The following GRIA1 variants were observed in gnomAD, a reference collection of about 807,000 sequenced individuals.
The protein encoded by GRIA1 is glutamate receptor 1.
GRIA1 carries 31 observed loss-of-function variants against 99.2 expected under a neutral mutation model. The ratio of observed to expected loss-of-function variants is 0.31; its 90% CI spans 0.23 to 0.42. GRIA1 has a LOEUF of 0.42. Among genes scored for constraint, GRIA1 ranks in the 10% least tolerant of loss-of-function variants. The pLI, the probability that GRIA1 is intolerant of heterozygous loss-of-function variation, is 1.00. For missense variants in GRIA1, 782 were observed against 1,157.5 expected (o/e 0.68, Z 4.71); for synonymous variants, 438 against 432.4 (o/e 1.01, Z -0.16).
intron 2 of GRIA1, among the ~76,000 whole-genome samples, chr5:153,637,898 AT>A (rs1341615054): frequency 6.6e-6 from 1 of 152,210 alleles, no homozygotes; most frequent in Non-Finnish European, 1.5e-5. Flanking sequence ...TTTATGAGTT[AT>A]TGTTCATTAT....
At chr5:153,609,751 C>T (rs1045176195) in intron 2 of GRIA1, among the ~76,000 whole-genome samples, 4 of 151,646 alleles carry the variant, frequency 2.6e-5, no homozygotes, top group Non-Finnish European at 5.9e-5. Context: ...TTAGTAGAGA[C>T]GAGGTTTCAC....
At chr5:153,710,359 A>T (rs1367845612) in intron 11 of GRIA1, among the ~76,000 whole-genome samples, 1 of 151,982 alleles carries the variant, frequency 6.6e-6, no homozygotes, top group Non-Finnish European at 1.5e-5. Flanking sequence ...AGTAGCTGGG[A>T]CTACAGGCAC....
intron 2 of GRIA1, among the ~76,000 whole-genome samples, chr5:153,626,460 GTGTGTGTGTGTGTGTGTGTGTGTGTGTA>G (rs1767629439): frequency 6.7e-6 from 1 of 149,410 alleles, no homozygotes; most frequent in Non-Finnish European, 1.5e-5. Flanking sequence ...GTGTGTGTGT[GTGTGTGTGTGTGTGTGTGTGTGTGTGTA>G]TGTGTTGTGC....
At chr5:153,736,038 C>A (rs941386486) in intron 11 of GRIA1, among the ~76,000 whole-genome samples, 2 of 152,094 alleles carry the variant, frequency 1.3e-5, no homozygotes, top group African/African-American at 4.8e-5. Context: ...CATCAGCATA[C>A]AGTATTTAAA....
chr5:153,613,755 G>T (rs1042114403), intron 2 of GRIA1, among the ~76,000 whole-genome samples: 1 of 151,644 alleles, frequency 6.6e-6, no homozygotes. Flanking sequence ...ATTCTTCAGC[G>T]TTAAAGGGGC....
At chr5:153,496,885 T>G (rs1025848280) in intron 2 of GRIA1, among the ~76,000 whole-genome samples, 1 of 152,034 alleles carries the variant, frequency 6.6e-6, no homozygotes, top group Admixed American at 6.6e-5. Context: ...TTTTATTTGT[T>G]TTTTTTTCAT....
chr5:153,649,556 C>T (rs1024033679), intron 3 of GRIA1, among the ~76,000 whole-genome samples: 1 of 152,206 alleles, frequency 6.6e-6, no homozygotes, highest in Admixed American at 6.5e-5. Context: ...CTCCCAGGTT[C>T]AAGCAATTCT....
chr5:153,573,911 C>T (rs925477894), intron 2 of GRIA1, among the ~76,000 whole-genome samples: 2 of 152,050 alleles, frequency 1.3e-5, no homozygotes, highest in African/African-American at 2.4e-5. Context: ...CTGAAGCATC[C>T]AAAGTATAAG....
chr5:153,658,715 G>A (rs1471917564), intron 5 of GRIA1, among the ~76,000 whole-genome samples: 1 of 152,210 alleles, frequency 6.6e-6, no homozygotes, highest in Admixed American at 6.5e-5. Context: ...TGATTAGGGT[G>A]TAATTATAGA....
chr5:153,661,812 C>A (rs941545262), intron 5 of GRIA1, among the ~76,000 whole-genome samples: 4 of 152,158 alleles, frequency 2.6e-5, no homozygotes, highest in African/African-American at 9.7e-5. Flanking sequence ...TATGAATATG[C>A]AAATAAGTAG....
chr5:153,764,096 T>C (rs1271059624), intron 11 of GRIA1, among the ~76,000 whole-genome samples: 3 of 152,270 alleles, frequency 2.0e-5, no homozygotes, highest in African/African-American at 7.2e-5. Flanking sequence ...TAATTGCTTA[T>C]ACATATTTGT....
chr5:153,560,596 C>T (rs1011394535), intron 2 of GRIA1, among the ~76,000 whole-genome samples: 1 of 152,162 alleles, frequency 6.6e-6, no homozygotes, highest in Non-Finnish European at 1.5e-5. Context: ...TTCTTGCCTG[C>T]CACCATGTAA....
chr5:153,549,549 G>A (rs1348130002), intron 2 of GRIA1, among the ~76,000 whole-genome samples: 1 of 152,116 alleles, frequency 6.6e-6, no homozygotes, highest in Non-Finnish European at 1.5e-5. Flanking sequence ...TTTATTGTGG[G>A]TCTGAGATCA....
intron 5 of GRIA1, among the ~76,000 whole-genome samples, chr5:153,665,146 A>G (rs1211955805): frequency 6.6e-6 from 1 of 152,236 alleles, no homozygotes; most frequent in Non-Finnish European, 1.5e-5. Flanking sequence ...TAGTACACCC[A>G]TGCAGCCTTG....
intron 13 of GRIA1, among the ~76,000 whole-genome samples, chr5:153,783,785 G>A (rs1764791528): frequency 6.6e-6 from 1 of 152,224 alleles, no homozygotes; most frequent in East Asian, 1.9e-4. Flanking sequence ...TGCCAATAGA[G>A]CTCAGATTAG....
At chr5:153,626,586 T>G (rs1402574733) in intron 2 of GRIA1, among the ~76,000 whole-genome samples, 2 of 152,004 alleles carry the variant, frequency 1.3e-5, no homozygotes, top group Non-Finnish European at 2.9e-5. Flanking sequence ...TAGCTCTCAG[T>G]GCTAATATAG....
At chr5:153,595,624 C>T (rs1269134261) in intron 2 of GRIA1, among the ~76,000 whole-genome samples, 1 of 151,514 alleles carries the variant, frequency 6.6e-6, no homozygotes, top group Non-Finnish European at 1.5e-5. Flanking sequence ...TCAAGGATAT[C>T]TATTTTATAC....
chr5:153,572,992 G>C (rs1049702940), intron 2 of GRIA1, among the ~76,000 whole-genome samples: 3 of 152,152 alleles, frequency 2.0e-5, no homozygotes, highest in African/African-American at 7.2e-5. Flanking sequence ...TGGCCTTTCA[G>C]ATAAACAAAT....
intron 2 of GRIA1, among the ~76,000 whole-genome samples, chr5:153,496,894 A>G (rs964978753): frequency 6.6e-6 from 1 of 151,644 alleles, no homozygotes; most frequent in Non-Finnish European, 1.5e-5. Context: ...TTTTTTTTTC[A>G]TAATTTTTGC....
Sources: gnomAD v4.1 joint callset for allele counts (sites outside exome capture counted in the v4.1 genomes callset) on GRCh38, gnomAD v4.1.1 for gene constraint, MANE v1.5 for transcripts, NCBI Gene and HGNC (gene_info 2026-07-23, HGNC 2026-07-21) for gene names.